The following KCNH8 variants were observed in gnomAD, a reference collection of about 807,000 sequenced individuals.
KCNH8 encodes potassium voltage-gated channel subfamily H member 8, also known as voltage-gated delayed rectifier potassium channel KCNH8.
Under a neutral mutation model 103.6 loss-of-function variants are expected in KCNH8, and 70 were observed. The observed-to-expected ratio is 0.68, with a 90% CI of 0.56 to 0.82. KCNH8 has a LOEUF of 0.82. KCNH8 is among the 40% of genes least tolerant of loss of function. The probability of loss-of-function intolerance (pLI) is 0.00; values close to 1 mark genes in which losing one functional copy is unlikely to be tolerated. For synonymous variants in KCNH8, 498 were observed against 489.4 expected (o/e 1.02, Z -0.23); for missense variants, 1,217 against 1,329.9 (o/e 0.92, Z 1.32).
chr3:19,411,814 A>C (rs1433252606), intron 7 of KCNH8, among the ~76,000 whole-genome samples: 1 of 151,468 alleles, frequency 6.6e-6, no homozygotes, highest in Non-Finnish European at 1.5e-5. Context: ...GAATACATCA[A>C]ACCAAGGAGA....
chr3:19,429,304 G>A (rs987731365), intron 7 of KCNH8, among the ~76,000 whole-genome samples: 7 of 151,532 alleles, frequency 4.6e-5, no homozygotes, highest in African/African-American at 1.7e-4. Context: ...CTCCGGAGTA[G>A]CTGGGACTAC....
At chr3:19,485,363 A>G (rs976253483) in intron 11 of KCNH8, among the ~76,000 whole-genome samples, 2 of 152,362 alleles carry the variant, frequency 1.3e-5, no homozygotes, top group African/African-American at 4.8e-5. Context: ...GAGCTGCTCC[A>G]TAAGCTTGTG....
intron 3 of KCNH8, among the ~76,000 whole-genome samples, chr3:19,333,877 A>G (rs1200720536): frequency 6.6e-6 from 1 of 152,152 alleles, no homozygotes; most frequent in Non-Finnish European, 1.5e-5. Flanking sequence ...ATTTTTGTGT[A>G]TCAGCAAGTA....
intron 1 of KCNH8, among the ~76,000 whole-genome samples, chr3:19,211,724 A>G (rs77306539): frequency 0.041 from 6,185 of 152,220 alleles, 442 homozygotes; most frequent in African/African-American, 0.14. Context: ...AACGGTAACT[A>G]TAATAAAATT....
At position 19,350,169 on chromosome 3, in the gene KCNH8, C is replaced by T. The variant is rs541550339; in HGVS notation, c.811+2204C>T. 2.6e-5 allele frequency among the ~76,000 whole-genome samples: 4 copies of T among 151,962 alleles called. No individual in the cohort carries two copies. In the East Asian group the frequency reaches 7.8e-4, roughly 29 times the overall value. ...GCTTAAATTAATATTTCTCTGTTTC[C>T]CTAAACCTTTATTCTATAAAATATT... On this transcript the variant is annotated intron_variant, in intron 5 of 15. Transcript: ENST00000328405.
intron 3 of KCNH8, among the ~76,000 whole-genome samples, chr3:19,287,176 A>G (rs1240501300): frequency 6.6e-6 from 1 of 152,162 alleles, no homozygotes; most frequent in African/African-American, 2.4e-5. Flanking sequence ...GAGGGAGGAA[A>G]GAAGTAGGTC....
intron 3 of KCNH8, 136 bp from the exon 4 acceptor site, chr3:19,342,451 G>A (rs1174801203): frequency 1.5e-6 from 1 of 659,076 alleles, no homozygotes; most frequent in Admixed American, 4.0e-5. Context: ...TAAATTAAAT[G>A]TCATTAGGAT....
chr3:19,457,249 C>A (rs1479285770), intron 11 of KCNH8, among the ~76,000 whole-genome samples: 1 of 151,924 alleles, frequency 6.6e-6, no homozygotes, highest in Admixed American at 6.6e-5. Context: ...AAACTACAAT[C>A]CATTTCAGTT....
intron 12 of KCNH8, 131 bp downstream of exon 12, chr3:19,510,532 A>G (rs2068765961): frequency 4.5e-6 from 3 of 669,208 alleles, no homozygotes; most frequent in Non-Finnish European, 8.2e-6. Flanking sequence ...CCAATAAGAG[A>G]TGTGGCAACT....
At chr3:19,419,659 T>G (rs2066921647) in intron 7 of KCNH8, among the ~76,000 whole-genome samples, 1 of 151,948 alleles carries the variant, frequency 6.6e-6, no homozygotes, top group Non-Finnish European at 1.5e-5. Flanking sequence ...TTTTAATTTC[T>G]CAGAAACTCA....
In KCNH8 at chr3:19,258,947, C is replaced by CTA. The variant is rs71055060; in HGVS notation, c.310+5094_310+5095dup. Among the ~76,000 whole-genome samples, 180 of 24,798 alleles carry CTA rather than the reference C, an allele frequency of 7.3e-3. 4 individuals are homozygous for CTA. The highest frequency in any genetic ancestry group is 8.0e-3 in the African/African-American group (54 of 6,730). 16.3% of individuals were successfully genotyped at this position (24,798 alleles called of 152,430 possible). A position where few individuals can be genotyped will look rare whatever the true frequency, so the allele number is the denominator to read the frequency against. Reference sequence around the variant, plus strand: ...TCTCTCTCTCTCTCTCTCTCTCTCTCTATATATATATATATATATATATAT... The same window carrying CTA: ...TCTCTCTCTCTCTCTCTCTCTCTCTCTATATATATATATATATATATATATAT... On this transcript the variant is annotated intron_variant, in intron 2 of 15. Coordinates refer to ENST00000328405, the MANE Select transcript of KCNH8 (RefSeq NM_144633.3).
At chr3:19,521,428 A>C (rs984064078) in intron 15 of KCNH8, among the ~76,000 whole-genome samples, 7 of 151,968 alleles carry the variant, frequency 4.6e-5, no homozygotes, top group African/African-American at 1.7e-4. Flanking sequence ...TATCATATGT[A>C]AAGCACTGAG....
At chr3:19,288,753 G>C (rs1283981524) in intron 3 of KCNH8, among the ~76,000 whole-genome samples, 1 of 152,088 alleles carries the variant, frequency 6.6e-6, no homozygotes, top group Non-Finnish European at 1.5e-5. Context: ...CCCAGTAATG[G>C]GATGGCTGGG....
chr3:19,487,623 C>T (rs1380391040), intron 11 of KCNH8, among the ~76,000 whole-genome samples: 3 of 152,112 alleles, frequency 2.0e-5, no homozygotes, highest in Non-Finnish European at 2.9e-5. Context: ...ATCCTCTGCC[C>T]ATATTTGGGG....
chr3:19,450,067 A>C, intron 8 of KCNH8, 39 bp from the exon 9 acceptor site: 1 of 1,558,950 alleles, frequency 6.4e-7, no homozygotes, highest in Non-Finnish European at 8.8e-7. Flanking sequence ...GCCTCATGTC[A>C]CATTTCTCTT....
chr3:19,254,943 G>T (rs1241846459), intron 2 of KCNH8, among the ~76,000 whole-genome samples: 7 of 152,046 alleles, frequency 4.6e-5, no homozygotes, highest in Admixed American at 1.3e-4. Flanking sequence ...CTTTCCCATG[G>T]TGTGGACAGA....
intron 1 of KCNH8, among the ~76,000 whole-genome samples, chr3:19,149,863 G>C (rs1279279056): frequency 2.0e-5 from 3 of 152,084 alleles, no homozygotes; most frequent in Admixed American, 1.3e-4. Flanking sequence ...ATATTTCTTG[G>C]AGCTGATATG....
At chr3:19,323,397 T>C (rs1028431320) in intron 3 of KCNH8, among the ~76,000 whole-genome samples, 8 of 151,926 alleles carry the variant, frequency 5.3e-5, no homozygotes, top group Non-Finnish European at 8.8e-5. Flanking sequence ...TGCAGTGAGC[T>C]GAGATCGCAC....
intron 1 of KCNH8, among the ~76,000 whole-genome samples, chr3:19,213,446 G>A (rs11923157): frequency 0.041 from 6,186 of 152,080 alleles, 443 homozygotes; most frequent in African/African-American, 0.14. Context: ...TGCTTACTGG[G>A]TATTTCCCCC....
Sources: gnomAD v4.1 joint callset for allele counts (sites outside exome capture counted in the v4.1 genomes callset) on GRCh38, gnomAD v4.1.1 for gene constraint, MANE v1.5 for transcripts, NCBI Gene and HGNC (gene_info 2026-07-23, HGNC 2026-07-21) for gene names.